BTBD9: variants seen among roughly 807,000 people sequenced by gnomAD.
BTBD9 encodes BTB/POZ domain-containing protein 9.
In BTBD9, 49 loss-of-function variants were observed where a neutral mutation model predicts 64.3. That is an observed-to-expected ratio of 0.76 (90% CI 0.61 to 0.97). The LOEUF (loss-of-function observed/expected upper bound fraction) is 0.97. Among genes scored for constraint, BTBD9 ranks in the 50% least tolerant of loss-of-function variants. The probability of loss-of-function intolerance (pLI) is 0.00; values close to 1 mark genes in which losing one functional copy is unlikely to be tolerated. For synonymous variants in BTBD9, 260 were observed against 274.7 expected, an observed-to-expected ratio of 0.95 and a Z score of 0.53; for missense variants, 598 against 762.1, an observed-to-expected ratio of 0.78 and a Z score of 2.53.
In BTBD9 at chr6:38,172,187, C is replaced by G. The variant is rs1743739591; in HGVS notation, c.*2798G>C. On this transcript the variant is annotated 3_prime_UTR_variant, in exon 11 of 11. Transcript: ENST00000481247. ...GCTCCCCACGGACTGAGCCTCCACT[C>G]TCTGCTGGGCTGAGGGCTCTGTGGT... 1 of 152,366 alleles carries G rather than the reference C, an allele frequency of 6.6e-6. No individual in the cohort carries two copies. The highest frequency in any genetic ancestry group is 1.5e-5 in the Non-Finnish European group (1 of 68,140). The allele number at this position is 152,366 out of a possible 1,614,324, so 9.4% of individuals were successfully genotyped here.
At chr6:38,334,724 C>G (rs191442542) in intron 7 of BTBD9, among the ~76,000 whole-genome samples, 89 of 152,162 alleles carry the variant, frequency 5.8e-4, no homozygotes, top group African/African-American at 2.1e-3. Flanking sequence ...CACACACATC[C>G]ATACTACTAT....
chr6:38,323,747 C>T (rs1763319257), intron 7 of BTBD9, among the ~76,000 whole-genome samples: 1 of 152,048 alleles, frequency 6.6e-6, no homozygotes, highest in South Asian at 2.1e-4. Context: ...CTGGTGAAGG[C>T]CTGGTAAGAA....
At chr6:38,367,341 T>C (rs1322083913) in intron 6 of BTBD9, among the ~76,000 whole-genome samples, 1 of 152,236 alleles carries the variant, frequency 6.6e-6, no homozygotes, top group Admixed American at 6.5e-5. Flanking sequence ...TGGTAGCCTC[T>C]TGCTACTTTA....
At chr6:38,264,651 G>A (rs544260197) in intron 8 of BTBD9, among the ~76,000 whole-genome samples, 2 of 152,308 alleles carry the variant, frequency 1.3e-5, no homozygotes, top group Admixed American at 6.5e-5. Context: ...AGATGAGAGG[G>A]CTCCTTATCG....
intron 6 of BTBD9, among the ~76,000 whole-genome samples, chr6:38,413,681 C>G (rs968770311): frequency 1.3e-5 from 2 of 152,134 alleles, no homozygotes; most frequent in African/African-American, 4.8e-5. Context: ...CCTGTACAAA[C>G]ATTCTAGGAC....
intron 9 of BTBD9, among the ~76,000 whole-genome samples, chr6:38,247,399 G>T (rs1448149616): frequency 6.6e-6 from 1 of 152,238 alleles, no homozygotes; most frequent in Non-Finnish European, 1.5e-5. Flanking sequence ...TCAGCAAGGG[G>T]ACAGACAATG....
At chr6:38,366,622 G>A (rs1237428963) in intron 6 of BTBD9, among the ~76,000 whole-genome samples, 1 of 152,278 alleles carries the variant, frequency 6.6e-6, no homozygotes, top group African/African-American at 2.4e-5. Context: ...TATTTAAAAC[G>A]AAATATTTTG....
At chr6:38,247,980 T>C (rs1764268698) in intron 9 of BTBD9, among the ~76,000 whole-genome samples, 1 of 151,828 alleles carries the variant, frequency 6.6e-6, no homozygotes, top group Non-Finnish European at 1.5e-5. Flanking sequence ...TTAAAAGAAA[T>C]ACATGTAAAT....
chr6:38,453,669 A>C (rs1176424176), intron 6 of BTBD9, among the ~76,000 whole-genome samples: 1 of 152,186 alleles, frequency 6.6e-6, no homozygotes, highest in African/African-American at 2.4e-5. Flanking sequence ...GATTCTGTGT[A>C]AAGAATGCCC....
chr6:38,243,717 T>C (rs529326052), intron 9 of BTBD9, among the ~76,000 whole-genome samples: 1 of 152,232 alleles, frequency 6.6e-6, no homozygotes, highest in South Asian at 2.1e-4. Flanking sequence ...TTATGGAGAA[T>C]GACAATGATG....
At chr6:38,512,280 T>C (rs751425352) in intron 6 of BTBD9, among the ~76,000 whole-genome samples, 4 of 152,138 alleles carry the variant, frequency 2.6e-5, no homozygotes, top group Non-Finnish European at 4.4e-5. Flanking sequence ...GCCACTACTA[T>C]GTTTTAAAAA....
At chr6:38,254,470 A>C (rs942022913) in intron 9 of BTBD9, among the ~76,000 whole-genome samples, 4 of 151,734 alleles carry the variant, frequency 2.6e-5, no homozygotes, top group African/African-American at 9.7e-5. Context: ...AAACAAACAA[A>C]CAAACAAAAA....
chr6:38,378,750 T>C (rs1231178972), intron 6 of BTBD9, among the ~76,000 whole-genome samples: 3 of 151,276 alleles, frequency 2.0e-5, no homozygotes, highest in African/African-American at 7.3e-5. Flanking sequence ...GGTGGGTACC[T>C]GTAATCTCAG....
intron 6 of BTBD9, among the ~76,000 whole-genome samples, chr6:38,558,298 G>T (rs1487212622): frequency 2.0e-5 from 3 of 151,806 alleles, no homozygotes; most frequent in African/African-American, 4.8e-5. Context: ...GCCTTTTGGT[G>T]GAGGCTTTAG....
At chr6:38,567,419 A>G (rs1775570727) in intron 6 of BTBD9, among the ~76,000 whole-genome samples, 1 of 152,170 alleles carries the variant, frequency 6.6e-6, no homozygotes, top group African/African-American at 2.4e-5. Context: ...TATAATTTGA[A>G]ACATAAGTAA....
chr6:38,504,313 T>C (rs1772348547), intron 6 of BTBD9, among the ~76,000 whole-genome samples: 1 of 152,234 alleles, frequency 6.6e-6, no homozygotes. Flanking sequence ...TTTTGTGCTT[T>C]GAGCTTTCCA....
chr6:38,190,523 C>CT (rs970048868), intron 10 of BTBD9, among the ~76,000 whole-genome samples: 3 of 145,312 alleles, frequency 2.1e-5, no homozygotes, highest in Non-Finnish European at 4.5e-5. Context: ...TACTTTGAGG[C>CT]TTTTTTTCCC....
At chr6:38,430,391 T>C (rs1484714647) in intron 6 of BTBD9, among the ~76,000 whole-genome samples, 2 of 151,378 alleles carry the variant, frequency 1.3e-5, no homozygotes, top group Non-Finnish European at 2.9e-5. Context: ...CCAACTTATG[T>C]TTTATGGGTT....
chr6:38,232,431 C>T (rs1452506712), intron 9 of BTBD9, among the ~76,000 whole-genome samples: 4 of 152,014 alleles, frequency 2.6e-5, no homozygotes, highest in African/African-American at 4.8e-5. Context: ...CCACCACGCC[C>T]GGCTAATTTT....
Sources: allele counts gnomAD v4.1 joint callset (sites outside exome capture counted in the v4.1 genomes callset), GRCh38; gene constraint gnomAD v4.1.1; transcripts MANE v1.5; gene names NCBI Gene and HGNC (gene_info 2026-07-23, HGNC 2026-07-21).